Variants in ATF7IP observed in about 807,000 individuals in gnomAD.
ATF7IP encodes the protein activating transcription factor 7-interacting protein 1.
A neutral mutation model predicts 106.4 loss-of-function variants in ATF7IP; 23 were observed. That is an observed-to-expected ratio of 0.22 (90% CI 0.16 to 0.31). The LOEUF is 0.31. ATF7IP is among the 10% of genes least tolerant of loss of function. ATF7IP has a pLI of 1.00. For synonymous variants in ATF7IP, 542 were observed against 539.0 expected (o/e 1.01, Z -0.08); for missense variants, 1,334 against 1,524.3 (o/e 0.88, Z 2.08).
At chr12:14,378,538 T>C (rs957492465) in intron 1 of ATF7IP, among the ~76,000 whole-genome samples, 4 of 152,254 alleles carry the variant, frequency 2.6e-5, no homozygotes, top group African/African-American at 9.6e-5. Context: ...TTCTATAAAG[T>C]ATACCTTAAG....
chr12:14,441,701 G>C (rs1183549606), intron 5 of ATF7IP, among the ~76,000 whole-genome samples: 1 of 152,056 alleles, frequency 6.6e-6, no homozygotes, highest in Non-Finnish European at 1.5e-5. Flanking sequence ...ATGTTAGCCA[G>C]GATGGTCTCC....
intron 10 of ATF7IP, among the ~76,000 whole-genome samples, chr12:14,474,027 C>T (rs1313507031): frequency 6.6e-6 from 1 of 151,768 alleles, no homozygotes; most frequent in Non-Finnish European, 1.5e-5. Context: ...GTTCGTTGAA[C>T]CTCTTGGATT....
chr12:14,453,526 G>A (rs894591396), intron 6 of ATF7IP, among the ~76,000 whole-genome samples: 5 of 151,680 alleles, frequency 3.3e-5, no homozygotes, highest in African/African-American at 1.2e-4. Context: ...ATTATGATAC[G>A]TTTTTACAGT....
intron 4 of ATF7IP, 77 bp downstream of exon 4, chr12:14,436,328 T>G: frequency 1.4e-6 from 2 of 1,380,700 alleles, no homozygotes; most frequent in East Asian, 2.3e-5. Flanking sequence ...CTGACATTAT[T>G]CTGTATTTTA....
chr12:14,390,669 A>G (rs533060612), intron 1 of ATF7IP, among the ~76,000 whole-genome samples: 30 of 152,338 alleles, frequency 2.0e-4, no homozygotes, highest in African/African-American at 7.0e-4. Context: ...TAATGAGTAA[A>G]TTTCCTAATA....
chr12:14,492,347 G>T (rs540927141), intron 13 of ATF7IP, among the ~76,000 whole-genome samples: 1 of 151,562 alleles, frequency 6.6e-6, no homozygotes, highest in Non-Finnish European at 1.5e-5. Flanking sequence ...TTCCTTTTCC[G>T]CAATGCACAG....
intron 10 of ATF7IP, among the ~76,000 whole-genome samples, chr12:14,473,752 A>G (rs1657845795): frequency 6.6e-6 from 1 of 150,530 alleles, no homozygotes; most frequent in South Asian, 2.1e-4. Context: ...GTACTTTTGT[A>G]TCTTTTGTCT....
chr12:14,436,127 G>T lies in ATF7IP; in HGVS notation c.1667G>T (p.Arg556Leu), dbSNP rs1483832909. 4 of 1,612,568 alleles carry T rather than the reference G, an allele frequency of 2.5e-6. No individual in the cohort carries two copies. Among genetic ancestry groups the T allele is most frequent in the Non-Finnish European group, 3.4e-6 (4 of 1,179,410 alleles). ...TCAGATGAATTTTCTAGACGAAAAC[G>T]TTCTAAATCAGAAGACATGGACAAT... ...SEKNEFSRRK[R>L]SKSEDMDNVQ... is the part of the protein sequence containing the mutation. The change falls in exon 4 of 15, where the codon CGT becomes CTT. Residue 556 changes from arginine to leucine, a missense_variant. Arg to Leu is a moderately radical substitution (Grantham distance 102). This residue lies in a region of ATF7IP where 119 missense variants were observed against 117.8 expected (regional missense o/e 1.01). Transcript: ENST00000261168.
chr12:14,441,377 G>A (rs750675577), intron 5 of ATF7IP, among the ~76,000 whole-genome samples: 1 of 151,670 alleles, frequency 6.6e-6, no homozygotes. Context: ...AATCATATGT[G>A]CTTGTTTATA....
intron 1 of ATF7IP, among the ~76,000 whole-genome samples, chr12:14,399,782 C>G (rs1464940683): frequency 6.6e-6 from 1 of 151,948 alleles, no homozygotes; most frequent in Non-Finnish European, 1.5e-5. Context: ...TACTAATTAG[C>G]TAGTGTTTTT....
intron 1 of ATF7IP, among the ~76,000 whole-genome samples, chr12:14,401,357 C>T (rs1213394972): frequency 2.0e-5 from 3 of 151,826 alleles, no homozygotes; most frequent in Admixed American, 6.6e-5. Context: ...CCACCACGCC[C>T]GGCTAATTTT....
chr12:14,446,835 A>C lies in ATF7IP; in HGVS notation c.1930-153A>C, dbSNP rs192539043. Among the ~76,000 whole-genome samples, 493 of 152,054 alleles carry C rather than the reference A, an allele frequency of 3.2e-3. 4 individuals are homozygous for C. Among genetic ancestry groups the C allele is most frequent in the African/African-American group, 0.011 (462 of 41,468 alleles). On this transcript the variant is annotated intron_variant, in intron 5 of 14. Transcript: ENST00000261168. ...TCATAACTGTATTTTCCAAGTATAT[A>C]GTTTATAATCAACTTAATTTATTTT... is the stretch of plus-strand genomic sequence containing the variant.
At chr12:14,473,288 C>CTGTGTGTGTGTGTGTGTG (rs796814505) in intron 10 of ATF7IP, among the ~76,000 whole-genome samples, 1 of 140,350 alleles carries the variant, frequency 7.1e-6, no homozygotes, top group Admixed American at 7.3e-5. Flanking sequence ...CTCTCTCTCT[C>CTGTGTGTGTGTGTGTGTG]TCTGTGTGTG....
chr12:14,502,430 T>A lies in ATF7IP; in HGVS notation c.*4357T>A, dbSNP rs1298203877. 6.6e-6 allele frequency: 1 copy of A among 152,178 alleles called. No individual in the cohort carries two copies. The highest frequency in any genetic ancestry group is 6.5e-5 in the Admixed American group (1 of 15,278). The allele number at this position is 152,178 out of a possible 1,614,324, so 9.4% of individuals were successfully genotyped here. On this transcript the variant is annotated 3_prime_UTR_variant, in exon 15 of 15. Transcript: ENST00000261168. Reference sequence around the variant, plus strand: ...TTTTGTTTTCTCATTTTCAAATAATTTACCATGTTAAAATAAACTTTTCTT... The same window carrying A: ...TTTTGTTTTCTCATTTTCAAATAATATACCATGTTAAAATAAACTTTTCTT...
intron 5 of ATF7IP, among the ~76,000 whole-genome samples, chr12:14,441,708 C>T (rs1187282115): frequency 6.6e-6 from 1 of 152,070 alleles, no homozygotes; most frequent in African/African-American, 2.4e-5. Flanking sequence ...CCAGGATGGT[C>T]TCCATTTCCT....
At chr12:14,402,652 T>TG (rs1468054803) in intron 1 of ATF7IP, among the ~76,000 whole-genome samples, 1 of 150,346 alleles carries the variant, frequency 6.7e-6, no homozygotes, top group African/African-American at 2.5e-5. Flanking sequence ...TCTGTCACCC[T>TG]GGCTGAAGTG....
intron 6 of ATF7IP, among the ~76,000 whole-genome samples, chr12:14,447,689 C>T (rs531573931): frequency 6.6e-6 from 1 of 152,222 alleles, no homozygotes; most frequent in African/African-American, 2.4e-5. Flanking sequence ...GTCAGATTCC[C>T]AGTATGGTCT....
intron 14 of ATF7IP, 118 bp downstream of exon 14, chr12:14,496,461 T>A: frequency 1.6e-6 from 1 of 622,292 alleles, no homozygotes; most frequent in Non-Finnish European, 2.9e-6. Context: ...TCTTCCTGCT[T>A]TTTCAGAAGT....
At chr12:14,382,936 A>C (rs1235132014) in intron 1 of ATF7IP, among the ~76,000 whole-genome samples, 1 of 152,232 alleles carries the variant, frequency 6.6e-6, no homozygotes, top group Non-Finnish European at 1.5e-5. Flanking sequence ...ATATAGGTTG[A>C]ATCATGTAGA....
Sources: allele counts gnomAD v4.1 joint callset (sites outside exome capture counted in the v4.1 genomes callset), GRCh38; gene constraint gnomAD v4.1.1; regional missense constraint gnomAD v4.1.1; transcripts MANE v1.5; gene names NCBI Gene and HGNC (gene_info 2026-07-23, HGNC 2026-07-21).